The following KIAA1614 variants were observed in gnomAD, a reference collection of about 807,000 sequenced individuals.
The protein encoded by KIAA1614 is uncharacterized protein KIAA1614.
In KIAA1614, 76 loss-of-function variants were observed where a neutral mutation model predicts 88.7. The observed-to-expected ratio is 0.86, with a 90% CI of 0.71 to 1.04. KIAA1614 has a LOEUF of 1.04. Ranked by LOEUF, KIAA1614 falls within the 50% of genes least tolerant of loss-of-function variation. The pLI is 0.00. For missense variants in KIAA1614, 1,553 were observed against 1,582.5 expected, an observed-to-expected ratio of 0.98 and a Z score of 0.32; for synonymous variants, 714 against 675.5, an observed-to-expected ratio of 1.06 and a Z score of -0.88.
intron 6 of KIAA1614, 52 bp from the exon 7 acceptor site, chr1:180,940,993 G>C: frequency 7.1e-7 from 1 of 1,402,320 alleles, no homozygotes; most frequent in Non-Finnish European, 9.7e-7. Flanking sequence ...CAGTCTCCCT[G>C]GCCACCCTCC....
intron 3 of KIAA1614, among the ~76,000 whole-genome samples, chr1:180,920,346 A>T (rs1252190388): frequency 3.3e-5 from 5 of 152,226 alleles, no homozygotes; most frequent in Admixed American, 1.3e-4. Context: ...TGCCACTCGA[A>T]GCCAGGGTCC....
At chr1:180,944,348 G>A (rs748536048) in intron 7 of KIAA1614, 41 bp from the exon 8 acceptor site, 2 of 1,603,936 alleles carry the variant, frequency 1.2e-6, no homozygotes, top group South Asian at 2.2e-5. Flanking sequence ...GCACCTCCCA[G>A]GTAGCTTTTC....
chr1:180,915,303 G>A (rs539883073), intron 1 of KIAA1614, among the ~76,000 whole-genome samples: 1 of 152,326 alleles, frequency 6.6e-6, no homozygotes, highest in African/African-American at 2.4e-5. Context: ...CCTTCTACTG[G>A]AGGTCAGATC....
chr1:180,943,521 T>C (rs1654515101), intron 7 of KIAA1614, among the ~76,000 whole-genome samples: 1 of 148,080 alleles, frequency 6.8e-6, no homozygotes, highest in African/African-American at 2.5e-5. Flanking sequence ...TACCCAGTAG[T>C]GGGATTGTAG....
Position 180,945,520 on chromosome 1 carries a change from T to C in KIAA1614, c.3505T>C (p.Trp1169Arg). The part of the protein sequence containing the change: ...MPSPLPQPHG[W>R]GGLSKQGRAF... The stretch of plus-strand genomic sequence containing the variant: ...CTCTCCTCTTCCTCAGCCCCATGGC[T>C]GGGGCGGCCTTAGCAAACAAGGCAG... Residue 1169 changes from tryptophan to arginine, a missense_variant, in exon 9 of 9, where the codon TGG becomes CGG. Coordinates refer to ENST00000367588, the MANE Select transcript of KIAA1614 (RefSeq NM_020950.2). The C allele has an allele frequency of 1.2e-6, 2 of 1,613,666 alleles. No individual in the cohort carries two copies. The highest frequency in any genetic ancestry group is 1.7e-6 in the Non-Finnish European group (2 of 1,179,908).
At chr1:180,936,767 ATTC>A in intron 5 of KIAA1614, 97 bp downstream of exon 5, 2 of 764,518 alleles carry the variant, frequency 2.6e-6, no homozygotes, top group Admixed American at 3.2e-5. Flanking sequence ...CTTCAGAGTC[ATTC>A]CCTTTTATCT....
rs1280215237 is a variant in KIAA1614, at chr1:180,945,686, T to C, written c.*98T>C. The C allele has an allele frequency of 6.0e-5, 87 of 1,438,264 alleles. No homozygotes were observed. In the East Asian group the frequency reaches 2.3e-3, roughly 39 times the overall value. The allele number at this position is 1,438,264 out of a possible 1,614,324, so 89.1% of individuals were successfully genotyped here. A position where few individuals can be genotyped will look rare whatever the true frequency, so the allele number is the denominator to read the frequency against. On this transcript the variant is annotated 3_prime_UTR_variant, in exon 9 of 9. Coordinates refer to ENST00000367588, the MANE Select transcript of KIAA1614 (RefSeq NM_020950.2). ...AATTGTCCAGGGCTCTCTAGGAGTC[T>C]GCACCTGCAGAGCCTTTGCCCTAGG... is the stretch of plus-strand genomic sequence containing the variant.
At chr1:180,933,316 G>A in intron 4 of KIAA1614, among the ~76,000 whole-genome samples, 1 of 152,194 alleles carries the variant, frequency 6.6e-6, no homozygotes, top group South Asian at 2.1e-4. Flanking sequence ...AATGTGGGGA[G>A]CCTGCATTTT....
At position 180,936,343 on chromosome 1, in the gene KIAA1614, C is replaced by G. The variant is rs781510193; in HGVS notation, c.2434C>G (p.Pro812Ala). Residue 812 changes from proline to alanine, a missense_variant, in exon 5 of 9, where the codon CCT becomes GCT. Transcript: ENST00000367588. ...CPEGWAPTPP[P>A]SRKTTSPVSH... ...TGAAGGCTGGGCGCCAACCCCTCCC[C>G]CTTCGAGGAAAACCACCTCGCCAGT... is the stretch of plus-strand genomic sequence containing the variant. The G allele has an allele frequency of 3.7e-6, 6 of 1,614,082 alleles. No individual in the cohort carries two copies. In the Admixed American group the frequency reaches 6.7e-5, roughly 18 times the overall value.
rs1335789118 is a variant in KIAA1614, at chr1:180,945,635, G to A, written c.*47G>A. On this transcript the variant is annotated 3_prime_UTR_variant, in exon 9 of 9. Coordinates refer to ENST00000367588, the MANE Select transcript of KIAA1614 (RefSeq NM_020950.2). ...AGAAAGCCTCTGACTACAGGACTAG[G>A]CTTCTCCCCTCAGGGGCTCTTTCTG... The A allele has an allele frequency of 1.3e-6, 2 of 1,536,636 alleles. No individual in the cohort carries two copies. Among genetic ancestry groups the A allele is most frequent in the East Asian group, 2.4e-5 (1 of 42,094 alleles).
intron 3 of KIAA1614, among the ~76,000 whole-genome samples, chr1:180,926,336 G>T (rs1370990647): frequency 1.3e-5 from 2 of 152,160 alleles, no homozygotes; most frequent in Non-Finnish European, 2.9e-5. Flanking sequence ...CTTGGCTGCA[G>T]TCTGTGAAGG....
At chr1:180,926,849 T>G (rs963265383) in intron 3 of KIAA1614, among the ~76,000 whole-genome samples, 2 of 152,238 alleles carry the variant, frequency 1.3e-5, no homozygotes, top group Admixed American at 6.5e-5. Context: ...AGGCCTCTCC[T>G]GCCAAAGGAG....
intron 4 of KIAA1614, among the ~76,000 whole-genome samples, chr1:180,933,220 G>A (rs999763792): frequency 1.3e-5 from 2 of 152,344 alleles, no homozygotes; most frequent in Middle Eastern, 3.4e-3. Flanking sequence ...GAAAGATCCA[G>A]GAAATGAGGC....
At chr1:180,932,982 C>T (rs1301797192) in intron 4 of KIAA1614, among the ~76,000 whole-genome samples, 2 of 152,142 alleles carry the variant, frequency 1.3e-5, no homozygotes, top group Non-Finnish European at 2.9e-5. Flanking sequence ...CTCAGGCAAT[C>T]CGACCACCTT....
rs945046563 is a variant in KIAA1614 at position 180,943,835 on chromosome 1, A to C, written c.3160-554A>C. Among the ~76,000 whole-genome samples, 9 of 152,288 alleles carry C rather than the reference A, an allele frequency of 5.9e-5. No homozygotes were observed. In the South Asian group the frequency reaches 1.9e-3, roughly 32 times the overall value. ...AGTGCTGGGATTACAGGCATGAGCC[A>C]CTGCACCCGGCACACACCATCTCTT... On this transcript the variant is annotated intron_variant, in intron 7 of 8. Transcript: ENST00000367588.
chr1:180,940,203 A>G (rs1654425217), intron 6 of KIAA1614, among the ~76,000 whole-genome samples: 1 of 152,214 alleles, frequency 6.6e-6, no homozygotes, highest in Non-Finnish European at 1.5e-5. Flanking sequence ...TAGGTCGTTA[A>G]GAAGTATTGA....
Position 180,935,674 on chromosome 1 carries a change from C to A in KIAA1614, c.1765C>A (p.Leu589Ile). Residue 589 changes from leucine to isoleucine, a missense_variant, in exon 5 of 9, where the codon CTC (leucine) becomes ATC (isoleucine). Leu to Ile is a conservative substitution (Grantham distance 5, BLOSUM62 2). Transcript: ENST00000367588. This position sits in a 1 kb window ranked among gnomAD's most constrained non-coding sequence, Gnocchi z 6.1. ...PLRLLPAEPRLHMEWIRETHI... is the reference protein window; with the variant it reads ...PLRLLPAEPRIHMEWIRETHI... ...CCGGCTCCTTCCTGCAGAGCCCCGG[C>A]TCCACATGGAATGGATCCGGGAAAC... The A allele has an allele frequency of 6.2e-7, 1 of 1,613,450 alleles. No individual in the cohort carries two copies. Among genetic ancestry groups the A allele is most frequent in the Non-Finnish European group, 8.5e-7 (1 of 1,179,898 alleles).
intron 3 of KIAA1614, among the ~76,000 whole-genome samples, chr1:180,923,873 C>T (rs1395035428): frequency 6.6e-6 from 1 of 151,920 alleles, no homozygotes; most frequent in African/African-American, 2.4e-5. Context: ...TGCCTGAGCC[C>T]CTGCCTGTCC....
At chr1:180,913,573 C>T (rs1431467182) in intron 1 of KIAA1614, among the ~76,000 whole-genome samples, 1 of 152,200 alleles carries the variant, frequency 6.6e-6, no homozygotes, top group Non-Finnish European at 1.5e-5. Flanking sequence ...GTGGGAGGGT[C>T]TCATTCTTTA....
Sources: allele counts gnomAD v4.1 joint callset (sites outside exome capture counted in the v4.1 genomes callset), GRCh38; gene constraint gnomAD v4.1.1; non-coding constraint Gnocchi (gnomAD v3.1); transcripts MANE v1.5; gene names NCBI Gene and HGNC (gene_info 2026-07-23, HGNC 2026-07-21).